Variants in STXBP6 observed in about 807,000 individuals in gnomAD.
The protein encoded by STXBP6 is syntaxin binding protein 6.
STXBP6 carries 21 observed loss-of-function variants against 26.9 expected under a neutral mutation model. That is an observed-to-expected ratio of 0.78 (90% CI 0.55 to 1.12). STXBP6 has a LOEUF of 1.12. Among genes scored for constraint, STXBP6 ranks in the 50% most tolerant of loss-of-function variants. The pLI, the probability that STXBP6 is intolerant of heterozygous loss-of-function variation, is 0.00. For synonymous variants in STXBP6, 97 were observed against 92.6 expected, an observed-to-expected ratio of 1.05 and a Z score of -0.27; for missense variants, 232 against 257.9, an observed-to-expected ratio of 0.90 and a Z score of 0.69.
At chr14:25,027,875 C>A (rs1332051049) in intron 1 of STXBP6, among the ~76,000 whole-genome samples, 1 of 152,208 alleles carries the variant, frequency 6.6e-6, no homozygotes, top group Non-Finnish European at 1.5e-5. Flanking sequence ...TGTGACCAGT[C>A]TGGATGCAAG....
At chr14:24,980,044 A>G (rs938756739) in intron 1 of STXBP6, among the ~76,000 whole-genome samples, 3 of 152,244 alleles carry the variant, frequency 2.0e-5, no homozygotes, top group Non-Finnish European at 4.4e-5. Context: ...GTTAAAATCT[A>G]AATGGAGAAA....
intron 1 of STXBP6, among the ~76,000 whole-genome samples, chr14:24,990,274 G>A (rs968486303): frequency 6.6e-6 from 1 of 152,150 alleles, no homozygotes; most frequent in African/African-American, 2.4e-5. Context: ...ACATGGGTAT[G>A]CTTCCCTGTT....
intron 2 of STXBP6, among the ~76,000 whole-genome samples, chr14:24,925,370 A>T (rs2072125121): frequency 6.6e-6 from 1 of 152,240 alleles, no homozygotes; most frequent in Non-Finnish European, 1.5e-5. Context: ...TTACAAGTGA[A>T]GGTAAGCAGG....
chr14:24,959,928 A>G (rs2073473584), intron 2 of STXBP6, among the ~76,000 whole-genome samples: 1 of 152,244 alleles, frequency 6.6e-6, no homozygotes, highest in Admixed American at 6.5e-5. Flanking sequence ...ATAACAGTGT[A>G]CTAAAAGCAA....
chr14:24,959,644 G>T (rs754551553), intron 2 of STXBP6, among the ~76,000 whole-genome samples: 1 of 152,164 alleles, frequency 6.6e-6, no homozygotes, highest in Non-Finnish European at 1.5e-5. Context: ...TCCCAAAAAG[G>T]GTTGGCATAG....
At chr14:24,948,210 AG>A (rs1012737561) in intron 2 of STXBP6, among the ~76,000 whole-genome samples, 2 of 152,070 alleles carry the variant, frequency 1.3e-5, no homozygotes, top group African/African-American at 4.8e-5. Flanking sequence ...TCAAACTCAC[AG>A]GGGAAAAGTT....
chr14:24,858,444 T>G (rs1334899037), intron 2 of STXBP6, among the ~76,000 whole-genome samples: 2 of 152,174 alleles, frequency 1.3e-5, no homozygotes, highest in African/African-American at 4.8e-5. Flanking sequence ...AGTGAAGATT[T>G]GTTTTTAAGT....
intron 2 of STXBP6, among the ~76,000 whole-genome samples, chr14:24,924,058 T>A (rs1595119367): frequency 1.3e-5 from 2 of 152,188 alleles, no homozygotes; most frequent in East Asian, 3.9e-4. Context: ...TTTTTACATT[T>A]AGCTCTTTAG....
chr14:25,003,561 G>A (rs1349570528), intron 1 of STXBP6, among the ~76,000 whole-genome samples: 1 of 152,172 alleles, frequency 6.6e-6, no homozygotes, highest in Admixed American at 6.5e-5. Context: ...AGATGAATCT[G>A]TTGTTCTTTT....
intron 1 of STXBP6, among the ~76,000 whole-genome samples, chr14:24,983,156 T>TCCATTTAGA (rs1190476231): frequency 6.6e-6 from 1 of 152,136 alleles, no homozygotes; most frequent in Non-Finnish European, 1.5e-5. Flanking sequence ...ACTGACGAGA[T>TCCATTTAGA]TATCAATCTA....
At chr14:25,023,380 C>G (rs187189476) in intron 1 of STXBP6, among the ~76,000 whole-genome samples, 163 of 151,460 alleles carry the variant, frequency 1.1e-3, no homozygotes, top group African/African-American at 3.7e-3. Context: ...ATATTTTTTA[C>G]AAATTTGATA....
intron 1 of STXBP6, among the ~76,000 whole-genome samples, chr14:24,997,964 T>C (rs1290233752): frequency 2.0e-5 from 3 of 152,112 alleles, no homozygotes; most frequent in Non-Finnish European, 4.4e-5. Flanking sequence ...TTCCTATTAG[T>C]GGATATTCAC....
At chr14:25,039,125 A>C (rs1281835792) in intron 1 of STXBP6, among the ~76,000 whole-genome samples, 1 of 152,240 alleles carries the variant, frequency 6.6e-6, no homozygotes, top group Non-Finnish European at 1.5e-5. Context: ...TTGTACAACA[A>C]TAAGTATACA....
At chr14:25,043,164 G>A (rs148812966) in intron 1 of STXBP6, among the ~76,000 whole-genome samples, 271 of 152,312 alleles carry the variant, frequency 1.8e-3, no homozygotes, top group African/African-American at 5.6e-3. Flanking sequence ...ATATGAAGAT[G>A]ACAAGGCACT....
intron 2 of STXBP6, among the ~76,000 whole-genome samples, chr14:24,943,322 T>G (rs1259067629): frequency 6.6e-6 from 1 of 152,198 alleles, no homozygotes; most frequent in African/African-American, 2.4e-5. Flanking sequence ...TGGCCCATAC[T>G]TCTTGCAACT....
At chr14:24,977,188 C>A (rs899465432) in intron 1 of STXBP6, among the ~76,000 whole-genome samples, 2 of 151,944 alleles carry the variant, frequency 1.3e-5, no homozygotes, top group African/African-American at 4.8e-5. Context: ...CGGACCAGTG[C>A]CTTCCCAGCT....
chr14:24,918,478 AC>A (rs1360740419), intron 2 of STXBP6, among the ~76,000 whole-genome samples: 1 of 141,774 alleles, frequency 7.1e-6, no homozygotes, highest in East Asian at 2.0e-4. Flanking sequence ...ACACACACAC[AC>A]ACACACACAC....
At chr14:24,877,911 A>G (rs12432042) in intron 2 of STXBP6, among the ~76,000 whole-genome samples, 50,006 of 151,996 alleles carry the variant, frequency 0.33, 8,560 homozygotes, top group Admixed American at 0.46. Flanking sequence ...TACATGCCAA[A>G]ACAGTGTGTA....
chr14:25,034,335 C>T (rs917261693), intron 1 of STXBP6, among the ~76,000 whole-genome samples: 1 of 152,174 alleles, frequency 6.6e-6, no homozygotes, highest in East Asian at 1.9e-4. Flanking sequence ...TATCTTTCCC[C>T]TCCTTTAAAT....
Sources: allele counts gnomAD v4.1 joint callset (sites outside exome capture counted in the v4.1 genomes callset), GRCh38; gene constraint gnomAD v4.1.1; transcripts MANE v1.5; gene names NCBI Gene and HGNC (gene_info 2026-07-23, HGNC 2026-07-21).